FAM168A: variants seen among roughly 807,000 people sequenced by gnomAD.
FAM168A encodes family with sequence similarity 168 member A, also known as protein FAM168A.
FAM168A carries 3 observed loss-of-function variants against 28.5 expected under a neutral mutation model. The observed-to-expected ratio is 0.11, with a 90% CI of 0.05 to 0.27. The LOEUF is 0.27. FAM168A is among the 10% of genes least tolerant of loss of function. The pLI, the probability that FAM168A is intolerant of heterozygous loss-of-function variation, is 1.00. For missense variants in FAM168A, 222 were observed against 311.5 expected, an observed-to-expected ratio of 0.71 and a Z score of 2.16; for synonymous variants, 122 against 124.2, an observed-to-expected ratio of 0.98 and a Z score of 0.12.
At chr11:73,485,680 T>C (rs1401929255) in intron 1 of FAM168A, among the ~76,000 whole-genome samples, 2 of 152,184 alleles carry the variant, frequency 1.3e-5, no homozygotes, top group African/African-American at 2.4e-5. Flanking sequence ...ATTTTAAAAA[T>C]TCATTCCCTT....
chr11:73,420,039 G>A, intron 3 of FAM168A, 40 bp from the exon 4 acceptor site: 1 of 1,608,256 alleles, frequency 6.2e-7, no homozygotes, highest in South Asian at 1.1e-5. Flanking sequence ...ACAGAAATAA[G>A]AAGTGGCCAC....
chr11:73,511,014 C>T lies in FAM168A; in HGVS notation c.-18-42522G>A, dbSNP rs143784129. ...CACAGGAAGCTCCACACAAACCCTC[C>T]ATTCAGGTCCCAAGGTCCCTTCCCA... is the stretch of plus-strand genomic sequence containing the variant. On this transcript the variant is annotated intron_variant, in intron 1 of 7. Coordinates refer to ENST00000356467, the MANE Select transcript of FAM168A (RefSeq NM_015159.3). 4.6e-3 allele frequency among the ~76,000 whole-genome samples: 704 copies of T among 152,262 alleles called. 7 individuals carry two copies. Among genetic ancestry groups the T allele is most frequent in the African/African-American group, 0.016 (679 of 41,538 alleles).
Position 73,402,876 on chromosome 11 carries a change from AG to A in FAM168A, c.*3886del, listed in dbSNP as rs949193318. 8 of 152,334 alleles carry A rather than the reference AG, an allele frequency of 5.3e-5. 1 individual carries two copies. Among genetic ancestry groups the A allele is most frequent in the Middle Eastern group, 6.8e-3 (2 of 294 alleles). 9.4% of individuals were successfully genotyped at this position (152,334 alleles called of 1,614,324 possible). On this transcript the variant is annotated 3_prime_UTR_variant, in exon 8 of 8. Coordinates refer to ENST00000356467, the MANE Select transcript of FAM168A (RefSeq NM_015159.3). ...CTCATTACAGGTCCTGGCCCAAAGCAGTTCATACAAATCTGCTCAGCTCAGA... is the reference window on the plus strand; with the variant it reads ...CTCATTACAGGTCCTGGCCCAAAGCATTCATACAAATCTGCTCAGCTCAGA...
intron 1 of FAM168A, among the ~76,000 whole-genome samples, chr11:73,594,297 C>G (rs1944417825): frequency 6.6e-6 from 1 of 151,562 alleles, no homozygotes; most frequent in Non-Finnish European, 1.5e-5. Flanking sequence ...GACGGGTCTC[C>G]CTATGTTGCC....
At chr11:73,575,393 T>C (rs887798956) in intron 1 of FAM168A, among the ~76,000 whole-genome samples, 1 of 152,234 alleles carries the variant, frequency 6.6e-6, no homozygotes, top group Non-Finnish European at 1.5e-5. Flanking sequence ...TCTAACAGTT[T>C]AATTTCAACT....
At chr11:73,499,735 G>C (rs1300487774) in intron 1 of FAM168A, among the ~76,000 whole-genome samples, 3 of 152,000 alleles carry the variant, frequency 2.0e-5, no homozygotes, top group Non-Finnish European at 4.4e-5. Flanking sequence ...GCACACCCAA[G>C]TATCAACAGC....
chr11:73,411,995 C>G (rs1313729345), intron 4 of FAM168A, among the ~76,000 whole-genome samples: 1 of 152,086 alleles, frequency 6.6e-6, no homozygotes, highest in Non-Finnish European at 1.5e-5. Flanking sequence ...CTCTTTTGCT[C>G]TATTTCTTTT....
chr11:73,543,967 C>CA (rs899567853), intron 1 of FAM168A, among the ~76,000 whole-genome samples: 19 of 152,046 alleles, frequency 1.2e-4, no homozygotes, highest in South Asian at 6.2e-4. Flanking sequence ...TCTACCTCTA[C>CA]AAAAAATAAA....
intron 2 of FAM168A, among the ~76,000 whole-genome samples, chr11:73,460,497 T>A (rs1023907856): frequency 6.8e-6 from 1 of 146,702 alleles, no homozygotes; most frequent in Admixed American, 6.8e-5. Flanking sequence ...AGGCTACTAA[T>A]GCTTTTTTTT....
chr11:73,490,315 CCTT>C (rs1484003712), intron 1 of FAM168A, among the ~76,000 whole-genome samples: 1 of 152,094 alleles, frequency 6.6e-6, no homozygotes, highest in Middle Eastern at 3.2e-3. Flanking sequence ...TGCATTTACT[CCTT>C]CTTTTGTCTA....
At chr11:73,464,360 A>G (rs1231224258) in intron 2 of FAM168A, among the ~76,000 whole-genome samples, 2 of 152,184 alleles carry the variant, frequency 1.3e-5, no homozygotes, top group Admixed American at 6.5e-5. Context: ...TTTAAAAAAA[A>G]AAAAAAAGAT....
chr11:73,494,939 G>T (rs1216903924), intron 1 of FAM168A, among the ~76,000 whole-genome samples: 1 of 150,008 alleles, frequency 6.7e-6, no homozygotes, highest in Non-Finnish European at 1.5e-5. Context: ...GGAGGCAGAG[G>T]CTGCAGCAGT....
chr11:73,516,998 A>T (rs544831563), intron 1 of FAM168A, among the ~76,000 whole-genome samples: 1 of 152,346 alleles, frequency 6.6e-6, no homozygotes, highest in East Asian at 1.9e-4. Context: ...ATTATTTTTT[A>T]AAATGCAGAT....
intron 1 of FAM168A, among the ~76,000 whole-genome samples, chr11:73,486,561 A>G (rs2134602114): frequency 6.6e-6 from 1 of 152,322 alleles, no homozygotes; most frequent in African/African-American, 2.4e-5. Flanking sequence ...CAGACTTCCC[A>G]TTTCGGATAA....
At chr11:73,433,077 T>C (rs983349749) in intron 2 of FAM168A, among the ~76,000 whole-genome samples, 11 of 66,122 alleles carry the variant, frequency 1.7e-4, no homozygotes, top group African/African-American at 9.5e-4. Context: ...ACGCCCCGCC[T>C]TTTTTTTTTT....
At chr11:73,444,601 T>C (rs1260678614) in intron 2 of FAM168A, among the ~76,000 whole-genome samples, 1 of 152,254 alleles carries the variant, frequency 6.6e-6, no homozygotes, top group Non-Finnish European at 1.5e-5. Flanking sequence ...TAAATGAAAG[T>C]GTCCCCACAT....
intron 1 of FAM168A, among the ~76,000 whole-genome samples, chr11:73,514,483 G>A (rs1261211030): frequency 2.0e-5 from 3 of 152,070 alleles, no homozygotes; most frequent in Non-Finnish European, 1.5e-5. Context: ...GTTTCTCTAG[G>A]GGAGAAAAAA....
intron 2 of FAM168A, among the ~76,000 whole-genome samples, chr11:73,464,064 T>C (rs771178483): frequency 1.3e-5 from 2 of 152,174 alleles, no homozygotes; most frequent in African/African-American, 2.4e-5. Flanking sequence ...CATAGCCATG[T>C]ATGCTAGAGC....
chr11:73,539,531 C>T (rs180875371), intron 1 of FAM168A, among the ~76,000 whole-genome samples: 3 of 152,050 alleles, frequency 2.0e-5, no homozygotes, highest in Non-Finnish European at 2.9e-5. Context: ...GGCCTCCCAG[C>T]GCTGGGATTG....
Sources: allele counts gnomAD v4.1 joint callset (sites outside exome capture counted in the v4.1 genomes callset), GRCh38; gene constraint gnomAD v4.1.1; transcripts MANE v1.5; gene names NCBI Gene and HGNC (gene_info 2026-07-23, HGNC 2026-07-21).